HDAC4: variants seen among roughly 807,000 people sequenced by gnomAD.
HDAC4 encodes histone deacetylase A.
In HDAC4, 16 loss-of-function variants were observed where a neutral mutation model predicts 135.1. The observed-to-expected ratio is 0.12, with a 90% CI of 0.08 to 0.18. The LOEUF (loss-of-function observed/expected upper bound fraction) is 0.18, where lower values mean the gene tolerates loss of function less well. Among genes scored for constraint, HDAC4 ranks in the 10% least tolerant of loss-of-function variants. The pLI, the probability that HDAC4 is intolerant of heterozygous loss-of-function variation, is 1.00. For missense variants in HDAC4, 1,143 were observed against 1,511.8 expected, an observed-to-expected ratio of 0.76 and a Z score of 4.05; for synonymous variants, 685 against 653.4, an observed-to-expected ratio of 1.05 and a Z score of -0.74.
At chr2:239,171,545 A>AGGATATTAAAT (rs2043452904) in intron 5 of HDAC4, among the ~76,000 whole-genome samples, 6 of 152,256 alleles carry the variant, frequency 3.9e-5, no homozygotes, top group Non-Finnish European at 8.8e-5. Flanking sequence ...ACTAAATCCC[A>AGGATATTAAAT]GATAGATTAA....
intron 1 of HDAC4, among the ~76,000 whole-genome samples, chr2:239,391,881 A>T (rs1220364622): frequency 6.6e-6 from 1 of 152,164 alleles, no homozygotes; most frequent in East Asian, 1.9e-4. Flanking sequence ...AACCAGAAGA[A>T]TTCTGAAAAC....
At chr2:239,314,963 A>G (rs2053055418) in intron 2 of HDAC4, among the ~76,000 whole-genome samples, 2 of 152,172 alleles carry the variant, frequency 1.3e-5, no homozygotes, top group Non-Finnish European at 2.9e-5. Context: ...TTGCTGATAG[A>G]ACAGACTCTT....
intron 3 of HDAC4, among the ~76,000 whole-genome samples, chr2:239,231,382 C>T (rs1168251767): frequency 6.6e-6 from 1 of 152,188 alleles, no homozygotes; most frequent in African/African-American, 2.4e-5. Flanking sequence ...AGTCATGTGT[C>T]CTGCCCTGTA....
Position 239,303,136 on chromosome 2 carries a change from G to A in HDAC4, c.22+49542C>T, listed in dbSNP as rs954976855. Among the ~76,000 whole-genome samples the A allele has an allele frequency of 1.3e-5, 2 of 152,220 alleles. No individual in the cohort carries two copies. The highest frequency in any genetic ancestry group is 2.9e-5 in the Non-Finnish European group (2 of 68,036). On this transcript the variant is annotated intron_variant, in intron 2 of 26. Coordinates refer to ENST00000543185, the MANE Select transcript of HDAC4 (RefSeq NM_001378414.1). The surrounding 1 kb of genome is among the most constrained non-coding windows in gnomAD (Gnocchi z 5.1). ...GGCCCCTGGATTCAAAGTGGCAACA[G>A]AGCCTGACTCCAGCCTCAGGGCGTG...
Position 239,194,659 on chromosome 2 carries a change from G to A in HDAC4, c.95-4582C>T, listed in dbSNP as rs779602266. Among the ~76,000 whole-genome samples, 11 of 152,226 alleles carry A rather than the reference G, an allele frequency of 7.2e-5. No homozygotes were observed. In the East Asian group the frequency reaches 1.3e-3, roughly 19 times the overall value. ...CTGCTGCCCAAATCTTCTGAATGTC[G>A]CTTACAAACTCCTTTTTCTGCTAAA... On this transcript the variant is annotated intron_variant, in intron 3 of 26. Transcript: ENST00000543185.
At chr2:239,366,391 C>T (rs1231130095) in intron 1 of HDAC4, among the ~76,000 whole-genome samples, 3 of 152,212 alleles carry the variant, frequency 2.0e-5, no homozygotes, top group Admixed American at 6.5e-5. Context: ...GGAAAACAGA[C>T]GTCAGCACTG....
intron 2 of HDAC4, among the ~76,000 whole-genome samples, chr2:239,291,257 G>T (rs1399656228): frequency 3.3e-5 from 5 of 152,232 alleles, no homozygotes; most frequent in Admixed American, 6.5e-5. Flanking sequence ...ACGTTCCAAG[G>T]CATGGCTCGC....
At position 239,125,350 on chromosome 2, in the gene HDAC4, C is replaced by T. The variant is rs112743976; in HGVS notation, c.1533+1106G>A. On this transcript the variant is annotated intron_variant, in intron 12 of 26. Transcript: ENST00000543185. ...TCCTGCTCTTGCCAAGTGATGTGCC[C>T]GCTCCCCCTTCGCCTACCACAGTTG... 3.1e-4 allele frequency among the ~76,000 whole-genome samples: 47 copies of T among 152,288 alleles called. 1 individual carries two copies. The highest frequency in any genetic ancestry group is 7.5e-4 in the African/African-American group (31 of 41,552).
At chr2:239,162,131 C>G in intron 6 of HDAC4, 1 of 456,818 alleles carries the variant, frequency 2.2e-6, no homozygotes, top group South Asian at 1.5e-5. Context: ...CCAGCAGCCC[C>G]ACTGCTCTAG....
At chr2:239,136,801 A>C (rs763528945) in intron 9 of HDAC4, among the ~76,000 whole-genome samples, 5 of 152,194 alleles carry the variant, frequency 3.3e-5, no homozygotes, top group Non-Finnish European at 7.3e-5. Flanking sequence ...CCTGACAAAC[A>C]CTTACACTCA....
chr2:239,068,350 A>T lies in HDAC4; in HGVS notation c.2869+139T>A. On this transcript the variant is annotated intron_variant, in intron 23 of 26. Transcript: ENST00000543185. The surrounding 1 kb of genome is among the most constrained non-coding windows in gnomAD (Gnocchi z 4.4). ...GGGCCTCCCAAATGGACTGGTTCCC[A>T]GTACGGTCAGAACCTTGGTCATTAG... 1 of 671,724 alleles carries T rather than the reference A, an allele frequency of 1.5e-6. No homozygotes were observed. Among genetic ancestry groups the T allele is most frequent in the Non-Finnish European group, 2.7e-6 (1 of 376,932 alleles). 41.6% of individuals were successfully genotyped at this position (671,724 alleles called of 1,614,324 possible).
intron 14 of HDAC4, among the ~76,000 whole-genome samples, chr2:239,109,651 G>A (rs1454795417): frequency 2.6e-5 from 4 of 151,796 alleles, no homozygotes; most frequent in Non-Finnish European, 5.9e-5. Context: ...AGGCTTACAG[G>A]AGTCAATGAA....
chr2:239,135,260 TAAAGAG>T (rs1296663923), intron 9 of HDAC4, among the ~76,000 whole-genome samples: 1 of 151,928 alleles, frequency 6.6e-6, no homozygotes, highest in Non-Finnish European at 1.5e-5. Context: ...AAATTAAAAA[TAAAGAG>T]AAAATCATAA....
intron 1 of HDAC4, among the ~76,000 whole-genome samples, chr2:239,379,682 T>C (rs2048764): frequency 0.73 from 111,168 of 152,094 alleles, 41,292 homozygotes; most frequent in East Asian, 0.93. Flanking sequence ...TGGGCACCAT[T>C]CCCCTGGCAG....
chr2:239,373,276 T>C (rs1694764376), intron 1 of HDAC4, among the ~76,000 whole-genome samples: 2 of 152,196 alleles, frequency 1.3e-5, no homozygotes, highest in African/African-American at 2.4e-5. Context: ...CTTGCCATAT[T>C]CTGCCAAGCT....
chr2:239,052,869 C>T lies in HDAC4; in HGVS notation c.*228G>A, dbSNP rs1236503108. ...TGTCCGTGTGTCTGCGCGTCGCCGG[C>T]GTCTGTCCCGTGTTCCCTGTGAGGC... On this transcript the variant is annotated 3_prime_UTR_variant, in exon 27 of 27. Coordinates refer to ENST00000543185, the MANE Select transcript of HDAC4 (RefSeq NM_001378414.1). 1.7e-6 allele frequency: 1 copy of T among 589,988 alleles called. No individual in the cohort carries two copies. The highest frequency in any genetic ancestry group is 3.0e-6 in the Non-Finnish European group (1 of 328,464). The allele number at this position is 589,988 out of a possible 1,614,324, so 36.5% of individuals were successfully genotyped here. A position where few individuals can be genotyped will look rare whatever the true frequency, so the allele number is the denominator to read the frequency against.
At chr2:239,166,897 T>A (rs1369765627) in intron 5 of HDAC4, among the ~76,000 whole-genome samples, 1 of 152,184 alleles carries the variant, frequency 6.6e-6, no homozygotes, top group Non-Finnish European at 1.5e-5. Flanking sequence ...AAATAAGAAG[T>A]GAAATGGGTA....
intron 2 of HDAC4, among the ~76,000 whole-genome samples, chr2:239,288,965 G>C (rs912574978): frequency 1.3e-5 from 2 of 152,174 alleles, no homozygotes; most frequent in Non-Finnish European, 2.9e-5. Flanking sequence ...GGAGGAGCTG[G>C]GACAATTGCA....
At chr2:239,085,644 C>T (rs1053994778) in intron 19 of HDAC4, among the ~76,000 whole-genome samples, 3 of 152,242 alleles carry the variant, frequency 2.0e-5, no homozygotes, top group Non-Finnish European at 2.9e-5. Context: ...GGAGCAAACA[C>T]GTGGTTTTCA....
Sources: gnomAD v4.1 joint callset for allele counts (sites outside exome capture counted in the v4.1 genomes callset) on GRCh38, gnomAD v4.1.1 for gene constraint, Gnocchi (gnomAD v3.1) non-coding constraint, MANE v1.5 for transcripts, NCBI Gene and HGNC (gene_info 2026-07-23, HGNC 2026-07-21) for gene names.